SEMA6D: variants seen among roughly 807,000 people sequenced by gnomAD.
The protein encoded by SEMA6D is semaphorin-6D.
Under a neutral mutation model 106.6 loss-of-function variants are expected in SEMA6D, and 35 were observed. The observed-to-expected ratio is 0.33, with a 90% CI of 0.25 to 0.44. The LOEUF (loss-of-function observed/expected upper bound fraction) is 0.44, where lower values mean the gene tolerates loss of function less well. SEMA6D is among the 20% of genes least tolerant of loss of function. SEMA6D has a pLI of 1.00. For missense variants in SEMA6D, 1,185 were observed against 1,345.9 expected (o/e 0.88, Z 1.87); for synonymous variants, 499 against 487.7 (o/e 1.02, Z -0.31).
intron 2 of SEMA6D, among the ~76,000 whole-genome samples, chr15:47,458,953 ACCT>A (rs1014689683): frequency 2.0e-5 from 3 of 152,014 alleles, no homozygotes; most frequent in Non-Finnish European, 4.4e-5. Flanking sequence ...AATGATTTCC[ACCT>A]CCTAGTATTC....
intron 1 of SEMA6D, among the ~76,000 whole-genome samples, chr15:47,334,127 A>G (rs1249535519): frequency 6.6e-6 from 1 of 152,172 alleles, no homozygotes. Context: ...TGACGAGAGT[A>G]CTGGATTTGC....
chr15:47,244,050 G>C (rs897942855), intron 1 of SEMA6D, among the ~76,000 whole-genome samples: 2 of 152,138 alleles, frequency 1.3e-5, no homozygotes, highest in Non-Finnish European at 2.9e-5. Context: ...GAAAAGGTTG[G>C]AGAGTATGTG....
chr15:47,347,967 C>T (rs950974930), intron 1 of SEMA6D, among the ~76,000 whole-genome samples: 1 of 152,258 alleles, frequency 6.6e-6, no homozygotes, highest in African/African-American at 2.4e-5. Context: ...TGCATAAATG[C>T]TTCCATACTG....
At chr15:47,430,651 A>G (rs2041492147) in intron 2 of SEMA6D, among the ~76,000 whole-genome samples, 2 of 151,954 alleles carry the variant, frequency 1.3e-5, no homozygotes, top group Admixed American at 6.6e-5. Context: ...AAAACGAAAG[A>G]GCATATGTTT....
At chr15:47,690,336 G>C (rs751076658) in intron 4 of SEMA6D, among the ~76,000 whole-genome samples, 3 of 152,110 alleles carry the variant, frequency 2.0e-5, no homozygotes, top group Admixed American at 6.5e-5. Context: ...ATTTGACTTA[G>C]TCTTTAATGA....
intron 1 of SEMA6D, among the ~76,000 whole-genome samples, chr15:47,309,686 A>G (rs1452191016): frequency 6.6e-6 from 1 of 152,194 alleles, no homozygotes; most frequent in Non-Finnish European, 1.5e-5. Flanking sequence ...CACCTGACAT[A>G]CTGTACATCT....
intron 1 of SEMA6D, among the ~76,000 whole-genome samples, chr15:47,309,001 T>C (rs551609704): frequency 1.8e-4 from 27 of 152,304 alleles, no homozygotes; most frequent in African/African-American, 5.8e-4. Flanking sequence ...AACACTTAAG[T>C]TGCGCCTCCA....
intron 1 of SEMA6D, among the ~76,000 whole-genome samples, chr15:47,217,191 A>C (rs931188003): frequency 6.6e-6 from 1 of 152,174 alleles, no homozygotes; most frequent in African/African-American, 2.4e-5. Context: ...ATAGCAGCCC[A>C]AATAGACTAA....
intron 1 of SEMA6D, among the ~76,000 whole-genome samples, chr15:47,369,695 CTAAAG>C (rs1439427122): frequency 6.6e-6 from 1 of 152,094 alleles, no homozygotes; most frequent in African/African-American, 2.4e-5. Context: ...CCAGCACCTG[CTAAAG>C]TATACGTTAT....
chr15:47,372,619 TC>T (rs2039315650), intron 1 of SEMA6D, among the ~76,000 whole-genome samples: 1 of 152,160 alleles, frequency 6.6e-6, no homozygotes, highest in Non-Finnish European at 1.5e-5. Context: ...GTACACTCTT[TC>T]CCATGATTAG....
chr15:47,576,276 C>T (rs1194901590), intron 3 of SEMA6D, among the ~76,000 whole-genome samples: 1 of 152,166 alleles, frequency 6.6e-6, no homozygotes, highest in Non-Finnish European at 1.5e-5. Flanking sequence ...GACCACAGTC[C>T]AAATGCAGCT....
chr15:47,288,652 A>C (rs1266484435), intron 1 of SEMA6D, among the ~76,000 whole-genome samples: 1 of 152,162 alleles, frequency 6.6e-6, no homozygotes, highest in Non-Finnish European at 1.5e-5. Context: ...GAATTCATGC[A>C]TGAATACATG....
intron 1 of SEMA6D, among the ~76,000 whole-genome samples, chr15:47,206,019 G>A (rs1042538739): frequency 6.6e-6 from 1 of 152,078 alleles, no homozygotes; most frequent in African/African-American, 2.4e-5. Flanking sequence ...CTTTTCTTCT[G>A]ATAATTCAGT....
rs372102407 is a variant in SEMA6D, at chr15:47,766,619, T to C, written c.1650T>C (p.Ala550=). ...TCTTTGCTTTCCATAACCACAGTGC[T>C]GAAGGATATGAACAAGACACAGAAT... ...SCGRVTPGML[A]EGYEQDTEFG... The change falls in exon 16 of 19, where the codon GCT becomes GCC. Residue 550 remains alanine, a synonymous_variant. Coordinates refer to ENST00000536845, the MANE Select transcript of SEMA6D (RefSeq NM_001358351.3). The C allele has an allele frequency of 2.0e-5, 32 of 1,612,820 alleles. No individual in the cohort carries two copies. In the African/African-American group the frequency reaches 3.3e-4, roughly 17 times the overall value.
chr15:47,496,311 C>A (rs1023364550), intron 3 of SEMA6D, among the ~76,000 whole-genome samples: 1 of 152,078 alleles, frequency 6.6e-6, no homozygotes, highest in Non-Finnish European at 1.5e-5. Flanking sequence ...CACTGACTCA[C>A]AGAATGGAGG....
At chr15:47,307,075 A>G (rs891449259) in intron 1 of SEMA6D, among the ~76,000 whole-genome samples, 2 of 152,204 alleles carry the variant, frequency 1.3e-5, no homozygotes, top group Admixed American at 6.5e-5. Flanking sequence ...TTCTCTGTGC[A>G]TCATTTCCTC....
At chr15:47,736,104 A>AT (rs11408226) in intron 1 of SEMA6D, among the ~76,000 whole-genome samples, 96,582 of 151,922 alleles carry the variant, frequency 0.64, 31,072 homozygotes, top group Middle Eastern at 0.69. Flanking sequence ...TATTCAATTT[A>AT]TTTTATTTTA....
At chr15:47,635,586 C>G (rs181832617) in intron 4 of SEMA6D, among the ~76,000 whole-genome samples, 2 of 152,240 alleles carry the variant, frequency 1.3e-5, no homozygotes, top group East Asian at 1.9e-4. Context: ...CCTGGACTTG[C>G]GACTGGCATC....
intron 2 of SEMA6D, among the ~76,000 whole-genome samples, chr15:47,423,948 T>A (rs1242446967): frequency 1.3e-5 from 2 of 152,096 alleles, no homozygotes; most frequent in African/African-American, 4.8e-5. Flanking sequence ...ATAATTTGTT[T>A]GTCCATAATT....
Sources: allele counts gnomAD v4.1 joint callset (sites outside exome capture counted in the v4.1 genomes callset), GRCh38; gene constraint gnomAD v4.1.1; transcripts MANE v1.5; gene names NCBI Gene and HGNC (gene_info 2026-07-23, HGNC 2026-07-21).